Variants in RASGEF1A observed in about 807,000 individuals in gnomAD.
The protein encoded by RASGEF1A is ras-GEF domain-containing family member 1A.
RASGEF1A carries 18 observed loss-of-function variants against 56.4 expected under a neutral mutation model. The observed-to-expected ratio is 0.32, with a 90% CI of 0.22 to 0.47. The LOEUF is 0.47. Ranked by LOEUF, RASGEF1A falls within the 20% of genes least tolerant of loss-of-function variation. The probability of loss-of-function intolerance (pLI) is 1.00; values close to 1 mark genes in which losing one functional copy is unlikely to be tolerated. For synonymous variants in RASGEF1A, 245 were observed against 242.6 expected (o/e 1.01, Z -0.09); for missense variants, 422 against 627.1 (o/e 0.67, Z 3.49).
At position 43,199,574 on chromosome 10, in the gene RASGEF1A, A is replaced by C. The variant is rs1247100533; in HGVS notation, c.849+102T>G. The C allele has an allele frequency of 6.5e-6, 6 of 926,634 alleles. No homozygotes were observed. In the Admixed American group the frequency reaches 7.9e-5, roughly 12 times the overall value. The allele number at this position is 926,634 out of a possible 1,614,324, so 57.4% of individuals were successfully genotyped here. A position where few individuals can be genotyped will look rare whatever the true frequency, so the allele number is the denominator to read the frequency against. ...TGACAATGCAACAGGGACTTTGTGC[A>C]TTCACTCTTAAAGTTCCATCATCTA... is the stretch of plus-strand genomic sequence containing the variant. On this transcript the variant is annotated intron_variant, in intron 7 of 12. Transcript: ENST00000395810.
intron 1 of RASGEF1A, among the ~76,000 whole-genome samples, chr10:43,234,634 C>G (rs1341551812): frequency 1.3e-5 from 2 of 152,234 alleles, no homozygotes; most frequent in Non-Finnish European, 2.9e-5. Context: ...CCTGGCCCCC[C>G]ACCCTGCCCT....
intron 1 of RASGEF1A, among the ~76,000 whole-genome samples, chr10:43,258,022 T>C (rs1836454432): frequency 6.6e-6 from 1 of 152,142 alleles, no homozygotes; most frequent in Non-Finnish European, 1.5e-5. Flanking sequence ...AGAAAACAAC[T>C]AGGCTGGGCA....
intron 1 of RASGEF1A, chr10:43,229,649 G>T (rs1213950771): frequency 6.7e-7 from 1 of 1,493,084 alleles, no homozygotes; most frequent in Admixed American, 2.1e-5. Flanking sequence ...GGGGCTCCAG[G>T]AACATTCTGG....
intron 1 of RASGEF1A, among the ~76,000 whole-genome samples, chr10:43,229,477 A>G (rs1280515153): frequency 6.6e-6 from 1 of 152,134 alleles, no homozygotes; most frequent in Non-Finnish European, 1.5e-5. Context: ...ACCGGGCAGT[A>G]GGTGCTCCAG....
chr10:43,265,449 C>T (rs1024647056), intron 1 of RASGEF1A, among the ~76,000 whole-genome samples: 2 of 152,206 alleles, frequency 1.3e-5, no homozygotes, highest in Non-Finnish European at 2.9e-5. Flanking sequence ...CTGCTGCACC[C>T]GCCTCGCTGG....
chr10:43,197,839 A>C (rs1031656857), intron 10 of RASGEF1A, among the ~76,000 whole-genome samples, 165 bp downstream of exon 10: 2 of 152,136 alleles, frequency 1.3e-5, no homozygotes, highest in African/African-American at 4.8e-5. Flanking sequence ...CCTTGCAGTC[A>C]AACAGCACCC....
intron 1 of RASGEF1A, among the ~76,000 whole-genome samples, chr10:43,263,690 C>T (rs1443533278): frequency 6.6e-6 from 1 of 152,178 alleles, no homozygotes; most frequent in Non-Finnish European, 1.5e-5. Context: ...CTACCCCAGC[C>T]CGGGCAGTGC....
chr10:43,208,592 G>A (rs912263646), intron 1 of RASGEF1A: 3 of 985,540 alleles, frequency 3.0e-6, no homozygotes, highest in Admixed American at 6.1e-5. Context: ...AGCCTGAGGG[G>A]GACCGTGTGG....
intron 1 of RASGEF1A, among the ~76,000 whole-genome samples, chr10:43,216,520 C>A (rs1840139363): frequency 1.3e-5 from 2 of 152,300 alleles, no homozygotes; most frequent in African/African-American, 4.8e-5. Flanking sequence ...ACAAGATTCC[C>A]CATGCAAATG....
At chr10:43,258,618 C>T (rs904352934) in intron 1 of RASGEF1A, among the ~76,000 whole-genome samples, 2 of 152,224 alleles carry the variant, frequency 1.3e-5, no homozygotes, top group African/African-American at 2.4e-5. Flanking sequence ...CAGCAGGGAG[C>T]CTCAGAGAGC....
rs146670738 is a variant in RASGEF1A at position 43,263,964 on chromosome 10, G to A, written c.-7+2881C>T. Among the ~76,000 whole-genome samples, 246 of 152,204 alleles carry A rather than the reference G, an allele frequency of 1.6e-3. 2 individuals are homozygous for A. The highest frequency in any genetic ancestry group is 5.3e-3 in the African/African-American group (222 of 41,552). ...CCTCACACCTGTCCACTCCTGGCCG[G>A]TCACCCCTCACAGCCCTCTGTCATG... On this transcript the variant is annotated intron_variant, in intron 1 of 12. Coordinates refer to ENST00000395810, the MANE Select transcript of RASGEF1A (RefSeq NM_145313.4).
At chr10:43,250,739 A>T (rs1477799955) in intron 1 of RASGEF1A, among the ~76,000 whole-genome samples, 1 of 152,194 alleles carries the variant, frequency 6.6e-6, no homozygotes, top group East Asian at 1.9e-4. Context: ...AGGTCAGGTC[A>T]AATGTCAAAA....
At chr10:43,202,543 C>T in intron 3 of RASGEF1A, 1 of 455,286 alleles carries the variant, frequency 2.2e-6, no homozygotes, top group Non-Finnish European at 4.4e-6. Context: ...GCGCCCCCAT[C>T]CTCCAATCCC....
chr10:43,262,272 C>T (rs186083700), intron 1 of RASGEF1A, among the ~76,000 whole-genome samples: 86 of 152,288 alleles, frequency 5.6e-4, no homozygotes, highest in Non-Finnish European at 9.3e-4. Flanking sequence ...TTGTTAACAG[C>T]GTTGCCATGG....
intron 1 of RASGEF1A, among the ~76,000 whole-genome samples, chr10:43,256,084 C>G (rs1588952745): frequency 6.6e-6 from 1 of 152,214 alleles, no homozygotes; most frequent in South Asian, 2.1e-4. Context: ...AGGGGGAGCA[C>G]TGTGCAGGAG....
intron 2 of RASGEF1A, chr10:43,203,824 GGGA>G: frequency 2.0e-6 from 2 of 1,012,862 alleles, no homozygotes; most frequent in Non-Finnish European, 2.4e-6. Context: ...GTCAGCGGTG[GGGA>G]GGGTGGGGGA....
chr10:43,206,028 C>T lies in RASGEF1A; in HGVS notation c.89G>A (p.Gly30Glu). 6.2e-7 allele frequency: 1 copy of T among 1,610,506 alleles called. No individual in the cohort carries two copies. The highest frequency in any genetic ancestry group is 8.5e-7 in the Non-Finnish European group (1 of 1,179,000). Residue 30 changes from glycine (G) to glutamate (E), a missense_variant, in exon 2 of 13, where the codon GGG becomes GAG. Gly to Glu is a moderately conservative substitution (Grantham distance 98). Transcript: ENST00000395810. ...VQPGMGERGG[G>E]AGGGSGDLIF... ...GAGGTCCCCGGAGCCGCCACCGGCC[C>T]CGCCTCCACGCTCCCCCATGCCAGG...
chr10:43,253,964 G>A (rs1157779593), intron 1 of RASGEF1A, among the ~76,000 whole-genome samples: 1 of 152,212 alleles, frequency 6.6e-6, no homozygotes, highest in Non-Finnish European at 1.5e-5. Flanking sequence ...CCCCTCTAGG[G>A]CTCACCCGGC....
In RASGEF1A at chr10:43,201,948, G is replaced by T. The variant is rs750430439; in HGVS notation, c.322-3C>A. ...GCTGAGAAAGACTTCAGCTTGGCCT[G>T]GGGCAGCAGGGGATACAGAGTAAGG... On this transcript the variant is annotated splice_polypyrimidine_tract_variant and splice_region_variant and intron_variant, in intron 3 of 12. Coordinates refer to ENST00000395810, the MANE Select transcript of RASGEF1A (RefSeq NM_145313.4). 7 of 1,603,104 alleles carry T rather than the reference G, an allele frequency of 4.4e-6. No individual in the cohort carries two copies. The highest frequency in any genetic ancestry group is 1.7e-5 in the Admixed American group (1 of 59,254).
Sources: allele counts gnomAD v4.1 joint callset (sites outside exome capture counted in the v4.1 genomes callset), GRCh38; gene constraint gnomAD v4.1.1; transcripts MANE v1.5; gene names NCBI Gene and HGNC (gene_info 2026-07-23, HGNC 2026-07-21).